Variants in GRID1 observed in about 807,000 individuals in gnomAD.
GRID1 encodes glutamate receptor ionotropic, delta-1.
Under a neutral mutation model 98.0 loss-of-function variants are expected in GRID1, and 28 were observed. That is an observed-to-expected ratio of 0.29 (90% confidence interval 0.21 to 0.39). GRID1 has a LOEUF of 0.39. GRID1 is among the 10% of genes least tolerant of loss of function. The pLI is 1.00. For synonymous variants in GRID1, 553 were observed against 538.5 expected, an observed-to-expected ratio of 1.03 and a Z score of -0.37; for missense variants, 1,111 against 1,340.5, an observed-to-expected ratio of 0.83 and a Z score of 2.67.
chr10:85,870,951 C>T (rs1199976497), intron 5 of GRID1, among the ~76,000 whole-genome samples: 2 of 151,920 alleles, frequency 1.3e-5, no homozygotes, highest in African/African-American at 2.4e-5. Flanking sequence ...TCTCTGACTG[C>T]GGTAGGGCGA....
At chr10:86,055,543 GA>G (rs1843560990) in intron 4 of GRID1, among the ~76,000 whole-genome samples, 1 of 152,102 alleles carries the variant, frequency 6.6e-6, no homozygotes. Flanking sequence ...AGGAGTTTGA[GA>G]CCAGCCTGGC....
intron 4 of GRID1, among the ~76,000 whole-genome samples, chr10:86,115,749 T>TC (rs1844566752): frequency 6.6e-6 from 1 of 152,210 alleles, no homozygotes; most frequent in African/African-American, 2.4e-5. Flanking sequence ...GCCAGCCCCA[T>TC]CCCAGCTGCT....
chr10:85,800,140 G>A (rs560118729), intron 8 of GRID1, among the ~76,000 whole-genome samples: 4 of 148,956 alleles, frequency 2.7e-5, no homozygotes, highest in African/African-American at 7.5e-5. Context: ...TTAGTCACAA[G>A]ATATACACAT....
chr10:86,161,110 C>G (rs1258306618), intron 3 of GRID1, among the ~76,000 whole-genome samples: 2 of 152,220 alleles, frequency 1.3e-5, no homozygotes, highest in Non-Finnish European at 2.9e-5. Flanking sequence ...CAACAACAGA[C>G]AGGCTACATG....
chr10:86,021,884 A>G (rs1440720317), intron 4 of GRID1, among the ~76,000 whole-genome samples: 1 of 152,194 alleles, frequency 6.6e-6, no homozygotes, highest in African/African-American at 2.4e-5. Flanking sequence ...AGGGCTTACT[A>G]GCTCTTAGTC....
chr10:86,211,447 G>T (rs1455471959), intron 2 of GRID1, among the ~76,000 whole-genome samples: 1 of 152,186 alleles, frequency 6.6e-6, no homozygotes, highest in African/African-American at 2.4e-5. Flanking sequence ...GAAAGTGGAG[G>T]GTCCCCACAA....
At chr10:86,320,934 C>A (rs546951093) in intron 2 of GRID1, among the ~76,000 whole-genome samples, 1 of 151,958 alleles carries the variant, frequency 6.6e-6, no homozygotes, top group Non-Finnish European at 1.5e-5. Flanking sequence ...CCCGTCTCTA[C>A]TAAAAAACAC....
At chr10:86,205,860 A>G (rs4934161) in intron 3 of GRID1, among the ~76,000 whole-genome samples, 55,355 of 151,766 alleles carry the variant, frequency 0.36, 10,548 homozygotes, top group Non-Finnish European at 0.43. Flanking sequence ...AGTGTTCCCA[A>G]CCCCCAACCC....
intron 8 of GRID1, among the ~76,000 whole-genome samples, chr10:85,817,872 C>T (rs1842730023): frequency 6.6e-6 from 1 of 151,380 alleles, no homozygotes; most frequent in Admixed American, 6.6e-5. Flanking sequence ...GCCTGAGTGA[C>T]AAAACAAGAC....
intron 4 of GRID1, among the ~76,000 whole-genome samples, chr10:85,943,634 T>C (rs1294691054): frequency 6.6e-6 from 1 of 152,204 alleles, no homozygotes; most frequent in African/African-American, 2.4e-5. Context: ...CCCACCTCTA[T>C]GAAAAGTCAA....
At chr10:86,320,392 C>T (rs7074321) in intron 2 of GRID1, among the ~76,000 whole-genome samples, 13,441 of 152,136 alleles carry the variant, frequency 0.088, 1,180 homozygotes, top group African/African-American at 0.23. Context: ...ACTTGCACCA[C>T]GGATGAACCT....
intron 8 of GRID1, among the ~76,000 whole-genome samples, chr10:85,737,504 A>C (rs1174495434): frequency 6.6e-6 from 1 of 151,784 alleles, no homozygotes; most frequent in African/African-American, 2.4e-5. Flanking sequence ...ACACAGGATA[A>C]AAGGACTGAC....
intron 3 of GRID1, among the ~76,000 whole-genome samples, chr10:86,159,395 T>C (rs940833069): frequency 1.3e-5 from 2 of 152,212 alleles, no homozygotes; most frequent in Admixed American, 1.3e-4. Context: ...ATCATTACCT[T>C]TTCTATATTT....
intron 8 of GRID1, among the ~76,000 whole-genome samples, chr10:85,844,608 A>G (rs1334459639): frequency 6.6e-6 from 1 of 152,156 alleles, no homozygotes; most frequent in Non-Finnish European, 1.5e-5. Flanking sequence ...ATCTCTCTAT[A>G]CTATTTATTA....
intron 2 of GRID1, among the ~76,000 whole-genome samples, chr10:86,253,609 C>T (rs909111089): frequency 6.6e-6 from 1 of 152,132 alleles, no homozygotes; most frequent in Non-Finnish European, 1.5e-5. Flanking sequence ...AAGCTCCACC[C>T]GCCTTCTTGG....
chr10:86,320,737 C>T (rs2081791), intron 2 of GRID1, among the ~76,000 whole-genome samples: 146,210 of 152,270 alleles, frequency 0.96, 70,310 homozygotes, highest in East Asian at 1. Flanking sequence ...TAGGAAAATG[C>T]TCCAAATATG....
At chr10:85,634,294 C>CTCTCTT (rs1564684024) in intron 13 of GRID1, among the ~76,000 whole-genome samples, 3 of 116,868 alleles carry the variant, frequency 2.6e-5, no homozygotes, top group African/African-American at 1.1e-4. Context: ...CTCTCTCTCA[C>CTCTCTT]ACACACACAC....
At position 86,139,003 on chromosome 10, in the gene GRID1, A is replaced by G; in HGVS notation, c.542T>C (p.Phe181Ser). The change falls in exon 4 of 16, where the codon TTT (phenylalanine) becomes TCT (serine). Residue 181 changes from phenylalanine (F) to serine (S), a missense_variant. Phe to Ser is a radical substitution (Grantham distance 155). Coordinates refer to ENST00000327946, the MANE Select transcript of GRID1 (RefSeq NM_017551.3). ...GCCCAGCCGCGAGGCCTGGTCCAGA[A>G]AGCTTTGAAGCCCACGGATATCTGA... ...SEYDIRGLQS[F>S]LDQASRLGLD... The G allele has an allele frequency of 1.2e-6, 2 of 1,613,684 alleles. No individual in the cohort carries two copies. Among genetic ancestry groups the G allele is most frequent in the Non-Finnish European group, 1.7e-6 (2 of 1,179,550 alleles).
chr10:85,673,735 T>C (rs1383255682), intron 12 of GRID1, among the ~76,000 whole-genome samples: 6 of 152,244 alleles, frequency 3.9e-5, no homozygotes, highest in Non-Finnish European at 7.3e-5. Flanking sequence ...TTATATGCAC[T>C]GGAAAACCAA....
Sources: gnomAD v4.1 joint callset for allele counts (sites outside exome capture counted in the v4.1 genomes callset) on GRCh38, gnomAD v4.1.1 for gene constraint, MANE v1.5 for transcripts, NCBI Gene and HGNC (gene_info 2026-07-23, HGNC 2026-07-21) for gene names.